RASSF2: variants seen among roughly 807,000 people sequenced by gnomAD.
RASSF2 encodes the protein ras association domain-containing protein 2.
RASSF2 carries 34 observed loss-of-function variants against 46.3 expected under a neutral mutation model. The ratio of observed to expected loss-of-function variants is 0.73; its 90% CI spans 0.56 to 0.98. The LOEUF is 0.98. RASSF2 is among the 50% of genes least tolerant of loss of function. The pLI is 0.00. For synonymous variants in RASSF2, 158 were observed against 162.5 expected (o/e 0.97, Z 0.21); for missense variants, 364 against 431.2 (o/e 0.84, Z 1.38).
Position 4,789,706 on chromosome 20 carries a change from AG to A in RASSF2, c.538-10del. The A allele has an allele frequency of 6.2e-7, 1 of 1,612,062 alleles. No homozygotes were observed. Among genetic ancestry groups the A allele is most frequent in the Non-Finnish European group, 8.5e-7 (1 of 1,178,268 alleles). On this transcript the variant is annotated splice_polypyrimidine_tract_variant and intron_variant, in intron 7 of 11. Coordinates refer to ENST00000379400, the MANE Select transcript of RASSF2 (RefSeq NM_014737.3). ...GGTGTGAACACGGATGTCTGTCAAT[AG>A]AAGGGCCCAGCTCAGGGTGGGAGTG...
intron 2 of RASSF2, among the ~76,000 whole-genome samples, chr20:4,804,551 C>G (rs2122586764): frequency 6.6e-6 from 1 of 152,116 alleles, no homozygotes; most frequent in African/African-American, 2.4e-5. Flanking sequence ...GTTGGCCAGG[C>G]TGGTCTTGAA....
chr20:4,813,525 C>T (rs978944875), intron 2 of RASSF2, among the ~76,000 whole-genome samples: 1 of 152,220 alleles, frequency 6.6e-6, no homozygotes, highest in Non-Finnish European at 1.5e-5. Flanking sequence ...CTGGGCCCAC[C>T]CAGACAATGG....
chr20:4,819,673 A>C (rs1199135885), intron 2 of RASSF2, among the ~76,000 whole-genome samples: 1 of 152,178 alleles, frequency 6.6e-6, no homozygotes, highest in Non-Finnish European at 1.5e-5. Flanking sequence ...CTCCAAATCC[A>C]ATACTCTTTC....
At chr20:4,814,098 G>C (rs1928079066) in intron 2 of RASSF2, among the ~76,000 whole-genome samples, 1 of 152,152 alleles carries the variant, frequency 6.6e-6, no homozygotes, top group Non-Finnish European at 1.5e-5. Flanking sequence ...CCAGTTTATA[G>C]GGTAGTTTTA....
At chr20:4,804,673 C>G (rs1377825608) in intron 2 of RASSF2, among the ~76,000 whole-genome samples, 2 of 152,164 alleles carry the variant, frequency 1.3e-5, no homozygotes, top group African/African-American at 4.8e-5. Flanking sequence ...TTACCCGTAA[C>G]TAGTCAGTGT....
intron 2 of RASSF2, among the ~76,000 whole-genome samples, chr20:4,818,757 C>T (rs537793929): frequency 8.5e-5 from 13 of 152,294 alleles, no homozygotes; most frequent in African/African-American, 2.4e-4. Context: ...AGCCTCTCTC[C>T]AAAGCACTGT....
intron 2 of RASSF2, among the ~76,000 whole-genome samples, chr20:4,804,930 C>T (rs1927220464): frequency 6.6e-6 from 1 of 151,952 alleles, no homozygotes; most frequent in African/African-American, 2.4e-5. Flanking sequence ...GGGGGGCTTT[C>T]TGGAGGAAGA....
At chr20:4,818,258 C>T (rs915769078) in intron 2 of RASSF2, among the ~76,000 whole-genome samples, 3 of 151,678 alleles carry the variant, frequency 2.0e-5, no homozygotes, top group Admixed American at 1.3e-4. Flanking sequence ...CAGAGTGAGA[C>T]TCCAACTCAA....
rs1924931336 is a variant in RASSF2, at chr20:4,782,553, A to G, written c.*1720T>C. 1 of 152,426 alleles carries G rather than the reference A, an allele frequency of 6.6e-6. No individual in the cohort carries two copies. Among genetic ancestry groups the G allele is most frequent in the Non-Finnish European group, 1.5e-5 (1 of 68,072 alleles). The allele number at this position is 152,426 out of a possible 1,614,324, so 9.4% of individuals were successfully genotyped here. A position where few individuals can be genotyped will look rare whatever the true frequency, so the allele number is the denominator to read the frequency against. ...TCCCTATGGAGGAAGGAGACTTGCT[A>G]TAAAACCCTTGGCGAAATGCCAGGG... On this transcript the variant is annotated 3_prime_UTR_variant, in exon 12 of 12. Transcript: ENST00000379400.
chr20:4,788,536 T>A (rs1925568404), intron 8 of RASSF2, among the ~76,000 whole-genome samples: 1 of 152,212 alleles, frequency 6.6e-6, no homozygotes, highest in Non-Finnish European at 1.5e-5. Context: ...TCATAGAGTG[T>A]GCTTACAGAA....
intron 5 of RASSF2, 22 bp from the exon 6 acceptor site, chr20:4,792,649 G>A: frequency 1.2e-6 from 2 of 1,612,582 alleles, no homozygotes; most frequent in Non-Finnish European, 1.7e-6. Flanking sequence ...GAAGACAAAG[G>A]GGAGGGGGGA....
chr20:4,798,972 T>C (rs1926634668), intron 3 of RASSF2, among the ~76,000 whole-genome samples: 1 of 152,002 alleles, frequency 6.6e-6, no homozygotes. Flanking sequence ...CGCATGTGTG[T>C]GACTCATGGG....
At chr20:4,814,717 C>T (rs940181439) in intron 2 of RASSF2, among the ~76,000 whole-genome samples, 9 of 152,170 alleles carry the variant, frequency 5.9e-5, no homozygotes, top group African/African-American at 2.2e-4. Flanking sequence ...CTTGAGTTAA[C>T]GCATCCAACA....
intron 2 of RASSF2, among the ~76,000 whole-genome samples, chr20:4,808,263 T>C (rs1257172563): frequency 6.6e-6 from 1 of 152,098 alleles, no homozygotes; most frequent in African/African-American, 2.4e-5. Context: ...CCAAAATGCC[T>C]TTAAGAACCA....
intron 5 of RASSF2, chr20:4,792,855 G>A (rs780316180): frequency 2.1e-5 from 16 of 778,216 alleles, no homozygotes; most frequent in East Asian, 6.1e-5. Context: ...GGGGAGTTCC[G>A]GAGGGAGAAG....
intron 3 of RASSF2, among the ~76,000 whole-genome samples, chr20:4,799,522 A>G (rs1259181257): frequency 1.3e-5 from 2 of 152,236 alleles, no homozygotes; most frequent in Non-Finnish European, 2.9e-5. Flanking sequence ...GTCAAGACCC[A>G]CTGGAAATGC....
intron 11 of RASSF2, among the ~76,000 whole-genome samples, chr20:4,785,287 C>T (rs1925225037): frequency 6.6e-6 from 1 of 152,004 alleles, no homozygotes. Context: ...TGCAGTGAGC[C>T]GAGATCGCAT....
At chr20:4,808,240 G>A (rs1156630779) in intron 2 of RASSF2, among the ~76,000 whole-genome samples, 1 of 152,142 alleles carries the variant, frequency 6.6e-6, no homozygotes, top group Admixed American at 6.6e-5. Context: ...AATTTATGGT[G>A]CTCTCCTGGG....
At chr20:4,816,814 A>G (rs984344591) in intron 2 of RASSF2, among the ~76,000 whole-genome samples, 2 of 152,120 alleles carry the variant, frequency 1.3e-5, no homozygotes, top group Admixed American at 6.5e-5. Context: ...GCTGCTTCTT[A>G]AAAATATATC....
Sources: gnomAD v4.1 joint callset for allele counts (sites outside exome capture counted in the v4.1 genomes callset) on GRCh38, gnomAD v4.1.1 for gene constraint, MANE v1.5 for transcripts, NCBI Gene and HGNC (gene_info 2026-07-23, HGNC 2026-07-21) for gene names.